The following MEP1A variants were observed in gnomAD, a reference collection of about 807,000 sequenced individuals.
MEP1A encodes the protein N-benzoyl-L-tyrosyl-P-amino-benzoic acid hydrolase subunit alpha.
MEP1A carries 68 observed loss-of-function variants against 84.5 expected under a neutral mutation model. The observed-to-expected ratio is 0.80, with a 90% CI of 0.66 to 0.98. The LOEUF is 0.98. MEP1A is among the 50% of genes least tolerant of loss of function. MEP1A has a pLI of 0.00. For missense variants in MEP1A, 887 were observed against 919.9 expected, an observed-to-expected ratio of 0.96 and a Z score of 0.46; for synonymous variants, 337 against 336.8, an observed-to-expected ratio of 1.00 and a Z score of -0.01.
At position 46,794,025 on chromosome 6, in the gene MEP1A, G is replaced by T. The variant is rs529450134; in HGVS notation, c.145+309G>T. On this transcript the variant is annotated intron_variant, in intron 3 of 13. Coordinates refer to ENST00000230588, the MANE Select transcript of MEP1A (RefSeq NM_005588.3). ...AGGAAAGCAAATAGATAATTATTCC[G>T]ATTGTTAAAGAAAAATATAAGAATA... 1.5e-3 allele frequency among the ~76,000 whole-genome samples: 221 copies of T among 152,150 alleles called. 2 individuals are homozygous for T. Among genetic ancestry groups the T allele is most frequent in the African/African-American group, 5.2e-3 (214 of 41,506 alleles).
intron 9 of MEP1A, among the ~76,000 whole-genome samples, chr6:46,827,673 A>G (rs1324860004): frequency 6.6e-6 from 1 of 152,188 alleles, no homozygotes; most frequent in East Asian, 1.9e-4. Context: ...TCTTTGGAAG[A>G]GGGTAAAAGC....
At chr6:46,839,908 AT>A (rs1768303423), downstream of MEP1A, 1 of 152,138 alleles carries the variant, frequency 6.6e-6, no homozygotes, top group Non-Finnish European at 1.5e-5. Flanking sequence ...TATGTACAAC[AT>A]TATCATATTA....
intron 5 of MEP1A, among the ~76,000 whole-genome samples, chr6:46,799,743 T>C (rs1767151267): frequency 6.6e-6 from 1 of 152,180 alleles, no homozygotes; most frequent in Non-Finnish European, 1.5e-5. Context: ...TTCCCTGCCT[T>C]TTAGCTAAGG....
Position 46,826,510 on chromosome 6 carries a change from GA to G in MEP1A, c.928+10del. The G allele has an allele frequency of 1.3e-6, 2 of 1,514,220 alleles. No homozygotes were observed. Among genetic ancestry groups the G allele is most frequent in the African/African-American group, 1.4e-5 (1 of 72,342 alleles). The allele number at this position is 1,514,220 out of a possible 1,614,324, so 93.8% of individuals were successfully genotyped here. On this transcript the variant is annotated splice_region_variant and intron_variant, in intron 9 of 13. Coordinates refer to ENST00000230588, the MANE Select transcript of MEP1A (RefSeq NM_005588.3). ...TTGTTGGGACAATGCACAGGTCAGT[GA>G]AAGTGGAAAGCAAACACATTGATGT...
chr6:46,809,455 G>C lies in MEP1A; in HGVS notation c.298G>C (p.Glu100Gln). Residue 100 changes from glutamate (E) to glutamine (Q), a missense_variant, in exon 6 of 14, where the codon GAG (glutamate) becomes CAG (glutamine). By Grantham distance (29) the Glu-to-Gln change is conservative. Coordinates refer to ENST00000230588, the MANE Select transcript of MEP1A (RefSeq NM_005588.3). ...TAAAGGAGCCATTCTGTATGCCTTTGAGATGTTCCGTCTCAAGTCCTGTGT... is the reference window on the plus strand; with the variant it reads ...TAAAGGAGCCATTCTGTATGCCTTTCAGATGTTCCGTCTCAAGTCCTGTGT... ...NAKGAILYAFEMFRLKSCVDF... is the reference protein window; with the variant it reads ...NAKGAILYAFQMFRLKSCVDF... 1 of 1,609,824 alleles carries C rather than the reference G, an allele frequency of 6.2e-7. No homozygotes were observed. Among genetic ancestry groups the C allele is most frequent in the East Asian group, 2.2e-5 (1 of 44,796 alleles).
chr6:46,810,783 T>C (rs1171680429), intron 6 of MEP1A, among the ~76,000 whole-genome samples: 1 of 151,984 alleles, frequency 6.6e-6, no homozygotes, highest in Non-Finnish European at 1.5e-5. Flanking sequence ...CTGTAAGTAT[T>C]TGAGTTTATT....
At chr6:46,816,544 G>A (rs1767640221) in intron 6 of MEP1A, among the ~76,000 whole-genome samples, 1 of 151,882 alleles carries the variant, frequency 6.6e-6, no homozygotes. Flanking sequence ...CAGGAAGAGG[G>A]AGAGAGGGAA....
rs1437987775 is a variant in MEP1A, at chr6:46,824,769, T to TGA, written c.557-503_557-502insGA. On this transcript the variant is annotated intron_variant, in intron 7 of 13. Coordinates refer to ENST00000230588, the MANE Select transcript of MEP1A (RefSeq NM_005588.3). ...ATAGATGTATTTAAATATATATAAA[T>TGA]TATGTATTTAAATAGATGTATTTAA... is the stretch of plus-strand genomic sequence containing the variant. Among the ~76,000 whole-genome samples, 40 of 108,540 alleles carry TGA rather than the reference T, an allele frequency of 3.7e-4. 4 individuals are homozygous for TGA. The highest frequency in any genetic ancestry group is 1.4e-3 in the African/African-American group (40 of 28,900). 71.2% of individuals were successfully genotyped at this position (108,540 alleles called of 152,430 possible).
rs537132408 is a variant in MEP1A at position 46,833,495 on chromosome 6, C to T, written c.1566C>T (p.Ser522=). Residue 522 remains serine, a synonymous_variant, in exon 11 of 14, where the codon TCC becomes TCT. Transcript: ENST00000230588. ...AGCCTGATGTCCGGAACAGGATGTC[C>T]TCAAGCATGGTGTTCACTACCTCGA... The part of the protein sequence containing the change: ...DQEPDVRNRM[S]SSMVFTTSKS... 3.1e-6 allele frequency: 5 copies of T among 1,614,090 alleles called. No homozygotes were observed. Among genetic ancestry groups the T allele is most frequent in the East Asian group, 2.2e-5 (1 of 44,888 alleles).
chr6:46,835,454 C>T lies in MEP1A; in HGVS notation c.1989C>T (p.Asp663=). The change falls in exon 13 of 14, where the codon GAC becomes GAT. Residue 663 remains aspartate (D), a synonymous_variant. Transcript: ENST00000230588. The part of the protein sequence containing the change: ...RSVENTGPLE[D]HNWPQYFRDP... ...TGGAGAACACAGGCCCCCTGGAGGA[C>T]CATAACTGGCCACAGTACTTCAGAG... is the stretch of plus-strand genomic sequence containing the variant. 1 of 1,612,754 alleles carries T rather than the reference C, an allele frequency of 6.2e-7. No homozygotes were observed.
chr6:46,793,619 T>C (rs762218530), intron 2 of MEP1A, 43 bp downstream of exon 2: 1 of 1,580,992 alleles, frequency 6.3e-7, no homozygotes, highest in Middle Eastern at 1.7e-4. Flanking sequence ...TTTGAACTTT[T>C]TTCCTTCGGC....
At chr6:46,832,507 C>T (rs1768099711) in intron 10 of MEP1A, among the ~76,000 whole-genome samples, 1 of 152,090 alleles carries the variant, frequency 6.6e-6, no homozygotes, top group South Asian at 2.1e-4. Flanking sequence ...TACTTTGCTC[C>T]CCTACATGGT....
At position 46,826,366 on chromosome 6, in the gene MEP1A, C is replaced by G. The variant is rs758348379; in HGVS notation, c.791C>G (p.Thr264Ser). 1.9e-6 allele frequency: 3 copies of G among 1,595,058 alleles called. No individual in the cohort carries two copies. The highest frequency in any genetic ancestry group is 2.6e-6 in the Non-Finnish European group (3 of 1,172,224). ...NRMYNCTTTH[T>S]LLDHCTFEKA... ...ATATAATTTGCAGCCACAACTCACACTCTTTTGGACCACTGTACTTTTGAG... is the reference window on the plus strand; with the variant it reads ...ATATAATTTGCAGCCACAACTCACAGTCTTTTGGACCACTGTACTTTTGAG... Residue 264 changes from threonine (T) to serine (S), a missense_variant, in exon 9 of 14, where the codon ACT becomes AGT. Coordinates refer to ENST00000230588, the MANE Select transcript of MEP1A (RefSeq NM_005588.3).
intron 5 of MEP1A, among the ~76,000 whole-genome samples, chr6:46,807,819 GAAA>G (rs1562107098): frequency 8.0e-5 from 12 of 150,870 alleles, no homozygotes; most frequent in South Asian, 6.3e-4. Context: ...AAGAAAGAAA[GAAA>G]GAAAGAAAGA....
intron 6 of MEP1A, among the ~76,000 whole-genome samples, chr6:46,818,454 T>C (rs1437269409): frequency 6.6e-6 from 1 of 152,186 alleles, no homozygotes; most frequent in Non-Finnish European, 1.5e-5. Context: ...GGGTAAAATA[T>C]AGATCTTCAT....
At chr6:46,825,909 C>G (rs983188473) in intron 8 of MEP1A, among the ~76,000 whole-genome samples, 4 of 152,160 alleles carry the variant, frequency 2.6e-5, no homozygotes, top group Admixed American at 6.5e-5. Context: ...ATTTTGTATC[C>G]TGTAAAATTC....
intron 5 of MEP1A, among the ~76,000 whole-genome samples, chr6:46,806,611 A>C (rs1184927687): frequency 6.6e-6 from 1 of 152,014 alleles, no homozygotes; most frequent in Non-Finnish European, 1.5e-5. Flanking sequence ...GCTACTACCT[A>C]CTGAGGGGCT....
At chr6:46,807,840 GAAGA>G (rs1333175785) in intron 5 of MEP1A, among the ~76,000 whole-genome samples, 11 of 107,774 alleles carry the variant, frequency 1.0e-4, no homozygotes, top group Non-Finnish European at 2.0e-4. Flanking sequence ...AGAAAGAAAG[GAAGA>G]AAGGAAATAA....
intron 4 of MEP1A, 53 bp downstream of exon 4, chr6:46,798,699 G>C: frequency 6.8e-7 from 1 of 1,474,978 alleles, no homozygotes; most frequent in Non-Finnish European, 9.5e-7. Flanking sequence ...AGTACCACTG[G>C]GTGTGAGTCT....
Sources: gnomAD v4.1 joint callset for allele counts (sites outside exome capture counted in the v4.1 genomes callset) on GRCh38, gnomAD v4.1.1 for gene constraint, MANE v1.5 for transcripts, NCBI Gene and HGNC (gene_info 2026-07-23, HGNC 2026-07-21) for gene names.